The following CSTPP1 variants were observed in gnomAD, a reference collection of about 807,000 sequenced individuals.
CSTPP1 encodes UPF0705 protein C11orf49.
chr11:46,947,445 C>G, the CSTPP1 span, among the ~76,000 whole-genome samples: 1 of 152,214 alleles, frequency 6.6e-6, no homozygotes, highest in Non-Finnish European at 1.5e-5. Context: ...ACTGAACTTA[C>G]AAATTACTGA....
At chr11:46,961,363 T>G in the CSTPP1 span, among the ~76,000 whole-genome samples, 1 of 152,226 alleles carries the variant, frequency 6.6e-6, no homozygotes, top group African/African-American at 2.4e-5. Context: ...AGGGTTTGTC[T>G]TCTTGGAGAA....
the CSTPP1 span, among the ~76,000 whole-genome samples, chr11:47,037,842 C>G: frequency 4.7e-5 from 6 of 128,106 alleles, 1 homozygote; most frequent in African/African-American, 9.9e-5. Context: ...CACCCTTCCC[C>G]CCTTTCTATT....
At chr11:46,955,729 TGCCTG>T in the CSTPP1 span, among the ~76,000 whole-genome samples, 3 of 151,360 alleles carry the variant, frequency 2.0e-5, no homozygotes, top group African/African-American at 7.3e-5. Context: ...TGGTGGCTCA[TGCCTG>T]CAATCCTAGT....
the CSTPP1 span, among the ~76,000 whole-genome samples, chr11:47,044,847 T>G: frequency 6.6e-6 from 1 of 152,128 alleles, no homozygotes; most frequent in South Asian, 2.1e-4. Flanking sequence ...AGTTCAAGCT[T>G]CTAGTGAGCT....
the CSTPP1 span, among the ~76,000 whole-genome samples, chr11:47,038,348 C>T: frequency 1.1e-5 from 1 of 89,396 alleles, no homozygotes; most frequent in Non-Finnish European, 2.7e-5. Context: ...CACCTCCCTC[C>T]TGGACGGAGT....
At chr11:47,043,695 A>G in the CSTPP1 span, among the ~76,000 whole-genome samples, 1 of 152,192 alleles carries the variant, frequency 6.6e-6, no homozygotes, top group Non-Finnish European at 1.5e-5. Flanking sequence ...TTGAACATTT[A>G]AAACTGACTT....
At chr11:46,993,433 C>A in the CSTPP1 span, among the ~76,000 whole-genome samples, 2 of 147,782 alleles carry the variant, frequency 1.4e-5, no homozygotes, top group Non-Finnish European at 3.0e-5. Context: ...GTCTTTAATT[C>A]ATCTTGAATT....
At chr11:47,117,097 G>C in the CSTPP1 span, among the ~76,000 whole-genome samples, 2 of 152,174 alleles carry the variant, frequency 1.3e-5, no homozygotes, top group Admixed American at 6.5e-5. Flanking sequence ...CAATTTGCCA[G>C]TCTGTGTCTT....
chr11:47,066,951 T>C, the CSTPP1 span, among the ~76,000 whole-genome samples: 1 of 152,194 alleles, frequency 6.6e-6, no homozygotes, highest in African/African-American at 2.4e-5. Flanking sequence ...AAACATGCCA[T>C]AGGAACTTAA....
At chr11:46,987,646 GT>G in the CSTPP1 span, 4 of 192,546 alleles carry the variant, frequency 2.1e-5, no homozygotes, top group South Asian at 1.3e-4. Context: ...CATCTAGCCT[GT>G]TTTTTTTCAT....
At chr11:47,121,310 T>G in the CSTPP1 span, among the ~76,000 whole-genome samples, 1 of 152,224 alleles carries the variant, frequency 6.6e-6, no homozygotes, top group African/African-American at 2.4e-5. Flanking sequence ...AATCAGAGTA[T>G]GTCTTGGAAC....
chr11:47,139,400 G>A, the CSTPP1 span, among the ~76,000 whole-genome samples: 8 of 152,304 alleles, frequency 5.3e-5, no homozygotes, highest in Middle Eastern at 3.4e-3. Flanking sequence ...GCAGCTGGGC[G>A]TGGTAGCTCA....
the CSTPP1 span, among the ~76,000 whole-genome samples, chr11:46,973,208 G>A: frequency 6.6e-6 from 1 of 152,144 alleles, no homozygotes; most frequent in African/African-American, 2.4e-5. Context: ...TTCTAAAATA[G>A]TGTCAAGAAA....
chr11:46,980,435 TATAAA>T, the CSTPP1 span, among the ~76,000 whole-genome samples: 2 of 152,296 alleles, frequency 1.3e-5, no homozygotes, highest in South Asian at 4.1e-4. Flanking sequence ...AATTAACAAT[TATAAA>T]ATAAAAGGTC....
At chr11:47,082,451 T>A in the CSTPP1 span, among the ~76,000 whole-genome samples, 16 of 150,816 alleles carry the variant, frequency 1.1e-4, no homozygotes, top group Admixed American at 1.1e-3. Context: ...ATAATAAAAA[T>A]ACCAAAAACT....
chr11:47,078,063 G>A, the CSTPP1 span, among the ~76,000 whole-genome samples: 1 of 152,144 alleles, frequency 6.6e-6, no homozygotes, highest in African/African-American at 2.4e-5. Flanking sequence ...TGAAAAGATG[G>A]ACAGATGGGA....
the CSTPP1 span, among the ~76,000 whole-genome samples, chr11:47,124,787 G>T: frequency 1.3e-5 from 2 of 152,120 alleles, no homozygotes; most frequent in African/African-American, 4.8e-5. Context: ...GATGCCACTG[G>T]ATATTTTTCA....
chr11:47,045,144 G>C, the CSTPP1 span, among the ~76,000 whole-genome samples: 2 of 152,294 alleles, frequency 1.3e-5, no homozygotes, highest in South Asian at 4.1e-4. Flanking sequence ...TGACAACTGG[G>C]TGGTATCTTT....
chr11:47,076,192 A>G, the CSTPP1 span, among the ~76,000 whole-genome samples: 2 of 152,132 alleles, frequency 1.3e-5, no homozygotes, highest in South Asian at 2.1e-4. Context: ...AAGATTGTCA[A>G]TGTCTATCTG....
Sources: gnomAD v4.1 joint callset for allele counts (sites outside exome capture counted in the v4.1 genomes callset) on GRCh38, gnomAD v4.1.1 for gene constraint, MANE v1.5 for transcripts, NCBI Gene and HGNC (gene_info 2026-07-23, HGNC 2026-07-21) for gene names.